Variants in NCS1 observed in about 807,000 individuals in gnomAD.
The protein encoded by NCS1 is frequenin homolog.
A neutral mutation model predicts 28.4 loss-of-function variants in NCS1; 6 were observed. That is an observed-to-expected ratio of 0.21 (90% CI 0.12 to 0.42). The LOEUF is 0.42. Ranked by LOEUF, NCS1 falls within the 10% of genes least tolerant of loss-of-function variation. NCS1 has a pLI of 1.00. For synonymous variants in NCS1, 86 were observed against 99.3 expected, an observed-to-expected ratio of 0.87 and a Z score of 0.79; for missense variants, 131 against 241.4, an observed-to-expected ratio of 0.54 and a Z score of 3.03.
intron 1 of NCS1, among the ~76,000 whole-genome samples, chr9:130,187,310 C>T (rs1832750947): frequency 6.6e-6 from 1 of 152,138 alleles, no homozygotes; most frequent in Non-Finnish European, 1.5e-5. Flanking sequence ...CCTGGGTCCT[C>T]CTGCTCTCTG....
intron 2 of NCS1, among the ~76,000 whole-genome samples, chr9:130,206,254 G>A (rs539729863): frequency 6.6e-6 from 1 of 152,214 alleles, no homozygotes; most frequent in Non-Finnish European, 1.5e-5. Context: ...GGCTGGATTC[G>A]CCAGGCCCAC....
chr9:130,183,332 G>T (rs1832691179), intron 1 of NCS1, among the ~76,000 whole-genome samples: 1 of 152,198 alleles, frequency 6.6e-6, no homozygotes, highest in African/African-American at 2.4e-5. Context: ...TTGCCCAGGA[G>T]GGGTGCAGGG....
rs186370226 is a variant in NCS1, at chr9:130,235,887, G to T, written c.*2915G>T. ...GCCCATAGTCCCTCTGCAGAGCCTC[G>T]CACTGGGGCCAGGGCAGGCACCAGC... is the stretch of plus-strand genomic sequence containing the variant. On this transcript the variant is annotated 3_prime_UTR_variant, in exon 8 of 8. Transcript: ENST00000372398. The T allele has an allele frequency of 6.6e-6, 1 of 152,402 alleles. No individual in the cohort carries two copies. Among genetic ancestry groups the T allele is most frequent in the East Asian group, 1.9e-4 (1 of 5,172 alleles). 9.4% of individuals were successfully genotyped at this position (152,402 alleles called of 1,614,324 possible). A position where few individuals can be genotyped will look rare whatever the true frequency, so the allele number is the denominator to read the frequency against.
intron 1 of NCS1, among the ~76,000 whole-genome samples, chr9:130,183,311 G>T (rs886388624): frequency 3.1e-4 from 47 of 152,104 alleles, no homozygotes; most frequent in African/African-American, 5.8e-4. Context: ...GCGGCTGGGG[G>T]GGGGAGCTCC....
At chr9:130,223,204 T>G (rs1554910867) in intron 6 of NCS1, 45 bp downstream of exon 6, 1 of 1,568,404 alleles carries the variant, frequency 6.4e-7, no homozygotes, top group Non-Finnish European at 8.8e-7. Context: ...GGAGGCAAGG[T>G]GTCGGGGGCA....
chr9:130,223,368 A>G (rs1211009569), intron 6 of NCS1, among the ~76,000 whole-genome samples: 1 of 149,830 alleles, frequency 6.7e-6, no homozygotes, highest in Admixed American at 6.7e-5. Flanking sequence ...TTCTTTAATC[A>G]ACCAGAGTCC....
At chr9:130,206,968 C>G (rs1217691212) in intron 2 of NCS1, among the ~76,000 whole-genome samples, 2 of 152,206 alleles carry the variant, frequency 1.3e-5, no homozygotes, top group Non-Finnish European at 2.9e-5. Flanking sequence ...CTTCGACAGC[C>G]TCCTGTCTCT....
chr9:130,187,354 G>C (rs974132823), intron 1 of NCS1, among the ~76,000 whole-genome samples: 1 of 152,128 alleles, frequency 6.6e-6, no homozygotes, highest in African/African-American at 2.4e-5. Flanking sequence ...GAGTCACTCT[G>C]TGCCTCCTCC....
In NCS1 at chr9:130,205,487, T is replaced by C. The variant is rs1001338551; in HGVS notation, c.89+4505T>C. ...TGAGCCCAGGAGGTCGAGGCTGCAA[T>C]GAGCTATGATTGCCCTGCTGCAGGC... On this transcript the variant is annotated intron_variant, in intron 2 of 7. Coordinates refer to ENST00000372398, the MANE Select transcript of NCS1 (RefSeq NM_014286.4). 7.8e-5 allele frequency among the ~76,000 whole-genome samples: 11 copies of C among 141,504 alleles called. No individual in the cohort carries two copies. The Admixed American group carries it at 8.4e-4, about 11-fold the overall frequency. 92.8% of individuals were successfully genotyped at this position (141,504 alleles called of 152,430 possible).
At chr9:130,222,938 A>G in intron 5 of NCS1, 144 bp from the exon 6 acceptor site, 2 of 648,598 alleles carry the variant, frequency 3.1e-6, no homozygotes, top group African/African-American at 1.8e-5. Flanking sequence ...GGGATGTTCC[A>G]GGGCACAATG....
chr9:130,183,164 G>A (rs1298380383), intron 1 of NCS1, among the ~76,000 whole-genome samples: 1 of 152,250 alleles, frequency 6.6e-6, no homozygotes, highest in African/African-American at 2.4e-5. Context: ...CAGCCAGGGA[G>A]TTGAGAGTTG....
At chr9:130,225,186 T>C (rs1463489173) in intron 6 of NCS1, among the ~76,000 whole-genome samples, 1 of 152,364 alleles carries the variant, frequency 6.6e-6, no homozygotes, top group Admixed American at 6.5e-5. Flanking sequence ...AGTGAGACCC[T>C]GTCTCAATCA....
intron 2 of NCS1, among the ~76,000 whole-genome samples, chr9:130,211,010 A>ATTTTTTTTTTTTTTT (rs34425557): frequency 2.2e-5 from 2 of 92,398 alleles, no homozygotes; most frequent in East Asian, 3.1e-4. Context: ...GGCTCCACTA[A>ATTTTTTTTTTTTTTT]TTTTTTTTTT....
intron 2 of NCS1, among the ~76,000 whole-genome samples, chr9:130,214,475 G>A (rs1289237287): frequency 1.3e-5 from 2 of 152,248 alleles, no homozygotes; most frequent in African/African-American, 4.8e-5. Context: ...TCAGCAGATG[G>A]AAACTAAGAG....
At chr9:130,229,391 A>G (rs1200105504) in intron 7 of NCS1, among the ~76,000 whole-genome samples, 1 of 151,530 alleles carries the variant, frequency 6.6e-6, no homozygotes, top group East Asian at 1.9e-4. Flanking sequence ...AGTAGCTGGG[A>G]TTACAGGTGC....
At chr9:130,208,337 T>C (rs1390246744) in intron 2 of NCS1, among the ~76,000 whole-genome samples, 1 of 151,920 alleles carries the variant, frequency 6.6e-6, no homozygotes, top group Admixed American at 6.6e-5. Flanking sequence ...TGGAGTGCAG[T>C]GGTACAATCT....
Position 130,172,703 on chromosome 9 carries a change from G to A in NCS1, c.40G>A (p.Glu14Lys), listed in dbSNP as rs2131108642. Residue 14 changes from glutamate to lysine, a missense_variant, in exon 1 of 8, where the codon GAG (glutamate) becomes AAG (lysine). Transcript: ENST00000372398. ...CAGCAAGTTGAAGCCCGAAGTTGTG[G>A]AGGAGCTGACCAGGAAGACCTACTG... ...SNSKLKPEVVEELTRKTYFTE... is the reference protein window; with the variant it reads ...SNSKLKPEVVKELTRKTYFTE... 6.6e-7 allele frequency: 1 copy of A among 1,520,756 alleles called. No individual in the cohort carries two copies. Among genetic ancestry groups the A allele is most frequent in the Non-Finnish European group, 8.8e-7 (1 of 1,129,988 alleles). The allele number at this position is 1,520,756 out of a possible 1,614,324, so 94.2% of individuals were successfully genotyped here.
chr9:130,199,243 G>A (rs1354918774), intron 1 of NCS1, among the ~76,000 whole-genome samples: 1 of 152,062 alleles, frequency 6.6e-6, no homozygotes, highest in Non-Finnish European at 1.5e-5. Context: ...ACAGGAGCGT[G>A]CCACCATGCC....
At position 130,172,604 on chromosome 9, in the gene NCS1, C is replaced by T; in HGVS notation, c.-60C>T. The T allele has an allele frequency of 9.5e-7, 1 of 1,055,402 alleles. No individual in the cohort carries two copies. 65.4% of individuals were successfully genotyped at this position (1,055,402 alleles called of 1,614,324 possible). A position where few individuals can be genotyped will look rare whatever the true frequency, so the allele number is the denominator to read the frequency against. Reference sequence around the variant, plus strand: ...CGGCCCGGCCCGCCCGGCCCAGCCGCTCCTGCTGGGCGCCCCAACCGGGTC... The same window carrying T: ...CGGCCCGGCCCGCCCGGCCCAGCCGTTCCTGCTGGGCGCCCCAACCGGGTC... On this transcript the variant is annotated 5_prime_UTR_variant, in exon 1 of 8. Transcript: ENST00000372398.
Sources: allele counts gnomAD v4.1 joint callset (sites outside exome capture counted in the v4.1 genomes callset), GRCh38; gene constraint gnomAD v4.1.1; transcripts MANE v1.5; gene names NCBI Gene and HGNC (gene_info 2026-07-23, HGNC 2026-07-21).